Variants in EFR3A observed in about 807,000 individuals in gnomAD.
EFR3A encodes the protein protein EFR3 homolog A.
EFR3A carries 76 observed loss-of-function variants against 104.4 expected under a neutral mutation model. The ratio of observed to expected loss-of-function variants is 0.73; its 90% CI spans 0.60 to 0.88. The LOEUF is 0.88. Among genes scored for constraint, EFR3A ranks in the 40% least tolerant of loss-of-function variants. EFR3A has a pLI of 0.00. For synonymous variants in EFR3A, 330 were observed against 330.0 expected, an observed-to-expected ratio of 1.00 and a Z score of 0.00; for missense variants, 985 against 1,012.5, an observed-to-expected ratio of 0.97 and a Z score of 0.37.
At position 131,920,578 on chromosome 8, in the gene EFR3A, C is replaced by T. The variant is rs147312035; in HGVS notation, c.10+16256C>T. ...CGCTTCCCCATTCTGTACCATCTGA[C>T]TTAAGTTTTGTACGTCTGGAGAGCA... On this transcript the variant is annotated intron_variant, in intron 1 of 22. Transcript: ENST00000254624. Among the ~76,000 whole-genome samples the T allele has an allele frequency of 3.9e-5, 6 of 152,270 alleles. No individual in the cohort carries two copies. The East Asian group carries it at 1.2e-3, about 29-fold the overall frequency.
intron 18 of EFR3A, among the ~76,000 whole-genome samples, chr8:131,992,124 G>T (rs909793426): frequency 1.3e-5 from 2 of 152,094 alleles, no homozygotes; most frequent in African/African-American, 4.8e-5. Flanking sequence ...TCCTTTGAGA[G>T]AAGCCCTTAT....
chr8:131,936,035 T>C (rs917778532), intron 1 of EFR3A, among the ~76,000 whole-genome samples: 1 of 151,772 alleles, frequency 6.6e-6, no homozygotes, highest in Non-Finnish European at 1.5e-5. Context: ...ATCCATACTA[T>C]CAGTTTCACC....
intron 21 of EFR3A, among the ~76,000 whole-genome samples, 160 bp downstream of exon 21, chr8:132,002,866 C>T (rs563810236): frequency 6.6e-6 from 1 of 152,210 alleles, no homozygotes; most frequent in East Asian, 1.9e-4. Flanking sequence ...TCTATGAGAC[C>T]TAAATAATTT....
intron 1 of EFR3A, among the ~76,000 whole-genome samples, chr8:131,912,005 C>T (rs1348645490): frequency 6.6e-6 from 1 of 152,140 alleles, no homozygotes; most frequent in Non-Finnish European, 1.5e-5. Context: ...AAAAAGGGTT[C>T]TGGTTTTTGT....
At chr8:132,000,173 GGCTGGAGT>G (rs1821715938) in intron 19 of EFR3A, among the ~76,000 whole-genome samples, 1 of 152,088 alleles carries the variant, frequency 6.6e-6, no homozygotes, top group African/African-American at 2.4e-5. Context: ...CTGTCACCCA[GGCTGGAGT>G]GCAGTGGCGC....
chr8:131,915,077 C>T (rs370851978), intron 1 of EFR3A, among the ~76,000 whole-genome samples: 1 of 152,092 alleles, frequency 6.6e-6, no homozygotes, highest in African/African-American at 2.4e-5. Flanking sequence ...TAGGTTGATT[C>T]CATGTCTTTG....
At chr8:131,980,399 G>A (rs1265992965) in intron 14 of EFR3A, among the ~76,000 whole-genome samples, 1 of 151,972 alleles carries the variant, frequency 6.6e-6, no homozygotes, top group Non-Finnish European at 1.5e-5. Flanking sequence ...AGGCTATACT[G>A]TATATCAAAA....
chr8:131,952,876 A>C (rs1025606782), intron 5 of EFR3A, among the ~76,000 whole-genome samples: 4 of 152,122 alleles, frequency 2.6e-5, no homozygotes, highest in African/African-American at 9.7e-5. Flanking sequence ...TCTATTCTTT[A>C]AACCTATTTA....
chr8:131,926,777 G>A (rs1321016733), intron 1 of EFR3A, among the ~76,000 whole-genome samples: 1 of 152,068 alleles, frequency 6.6e-6, no homozygotes, highest in Non-Finnish European at 1.5e-5. Flanking sequence ...GTGCCACCGT[G>A]TCCAGCTAGT....
chr8:131,905,824 A>G (rs978799303), intron 1 of EFR3A, among the ~76,000 whole-genome samples: 2 of 152,240 alleles, frequency 1.3e-5, no homozygotes, highest in African/African-American at 4.8e-5. Context: ...TTGAGGCTTC[A>G]AGTAGAATTT....
intron 19 of EFR3A, among the ~76,000 whole-genome samples, chr8:132,000,328 C>T (rs543820732): frequency 1.4e-4 from 21 of 152,184 alleles, no homozygotes; most frequent in Admixed American, 1.2e-3. Context: ...CGGGGTTTCA[C>T]CATGTTTGCC....
At chr8:131,996,769 A>G (rs1013287113) in intron 19 of EFR3A, among the ~76,000 whole-genome samples, 1 of 152,112 alleles carries the variant, frequency 6.6e-6, no homozygotes, top group African/African-American at 2.4e-5. Flanking sequence ...AATAAAAGGA[A>G]CTGTAAAGTA....
rs200503935 is a variant in EFR3A at position 131,987,563 on chromosome 8, T to G, written c.1938-12T>G. The G allele has an allele frequency of 6.3e-7, 1 of 1,582,546 alleles. No homozygotes were observed. The highest frequency in any genetic ancestry group is 1.3e-5 in the African/African-American group (1 of 74,192). On this transcript the variant is annotated splice_polypyrimidine_tract_variant and intron_variant, in intron 17 of 22. Transcript: ENST00000254624. Reference sequence around the variant, plus strand: ...TAATACTGAATGATTGTTGTTTTGATGAACTTCGCAGGCTTCCAAAATCTT... The same window carrying G: ...TAATACTGAATGATTGTTGTTTTGAGGAACTTCGCAGGCTTCCAAAATCTT...
intron 5 of EFR3A, among the ~76,000 whole-genome samples, chr8:131,952,331 A>G (rs1818748806): frequency 6.6e-6 from 1 of 152,170 alleles, no homozygotes; most frequent in Non-Finnish European, 1.5e-5. Context: ...GGGAAACTGT[A>G]GAATTCGTTT....
intron 12 of EFR3A, 53 bp downstream of exon 12, chr8:131,977,145 CATT>C: frequency 7.7e-7 from 1 of 1,299,216 alleles, no homozygotes; most frequent in Non-Finnish European, 1.1e-6. Flanking sequence ...TTACTGAAAA[CATT>C]AATTGAATAG....
chr8:131,979,041 G>T, intron 13 of EFR3A, 22 bp downstream of exon 13: 1 of 1,572,220 alleles, frequency 6.4e-7, no homozygotes, highest in South Asian at 1.2e-5. Context: ...TTTTGAAATG[G>T]ATCTAATGAT....
Position 131,984,925 on chromosome 8 carries a change from A to G in EFR3A, c.1738-4A>G. 6.2e-7 allele frequency: 1 copy of G among 1,612,506 alleles called. No individual in the cohort carries two copies. The highest frequency in any genetic ancestry group is 8.5e-7 in the Non-Finnish European group (1 of 1,179,042). On this transcript the variant is annotated splice_polypyrimidine_tract_variant and splice_region_variant and intron_variant, in intron 15 of 22. Transcript: ENST00000254624. Reference sequence around the variant, plus strand: ...CTCTCTGATGTGTTTGTTTCTTATTAAAGGACAGTGCAATTATCAATGAGG... The same window carrying G: ...CTCTCTGATGTGTTTGTTTCTTATTGAAGGACAGTGCAATTATCAATGAGG...
chr8:131,968,299 A>G lies in EFR3A; in HGVS notation c.860A>G (p.Gln287Arg), dbSNP rs2130693542. 1 of 1,613,208 alleles carries G rather than the reference A, an allele frequency of 6.2e-7. No individual in the cohort carries two copies. Among genetic ancestry groups the G allele is most frequent in the Non-Finnish European group, 8.5e-7 (1 of 1,179,414 alleles). ...FKIIMYSIQA[Q>R]YSHHVIQEIL... The stretch of plus-strand genomic sequence containing the variant: ...GTACTGTTTTGTCTCCTTCAGGCTC[A>G]GTATTCTCACCATGTGATCCAGGAG... Residue 287 changes from glutamine to arginine, a missense_variant, in exon 9 of 23, where the codon CAG (glutamine) becomes CGG (arginine). By Grantham distance (43) the Gln-to-Arg change is conservative. Coordinates refer to ENST00000254624, the MANE Select transcript of EFR3A (RefSeq NM_015137.6).
chr8:131,932,189 T>C (rs934667645), intron 1 of EFR3A, among the ~76,000 whole-genome samples: 1 of 152,096 alleles, frequency 6.6e-6, no homozygotes, highest in African/African-American at 2.4e-5. Flanking sequence ...ACCCCCTAAT[T>C]TGAGGTGTCT....
Sources: allele counts gnomAD v4.1 joint callset (sites outside exome capture counted in the v4.1 genomes callset), GRCh38; gene constraint gnomAD v4.1.1; transcripts MANE v1.5; gene names NCBI Gene and HGNC (gene_info 2026-07-23, HGNC 2026-07-21).